Variants in GRIA1 observed in about 807,000 individuals in gnomAD.
The protein encoded by GRIA1 is glutamate receptor 1.
GRIA1 carries 31 observed loss-of-function variants against 99.2 expected under a neutral mutation model. The observed-to-expected ratio is 0.31, with a 90% CI of 0.23 to 0.42. The LOEUF is 0.42. Among genes scored for constraint, GRIA1 ranks in the 10% least tolerant of loss-of-function variants. The pLI is 1.00. For synonymous variants in GRIA1, 438 were observed against 432.4 expected (o/e 1.01, Z -0.16); for missense variants, 782 against 1,157.5 (o/e 0.68, Z 4.71).
At chr5:153,706,949 A>G (rs1758938858) in intron 11 of GRIA1, among the ~76,000 whole-genome samples, 1 of 152,104 alleles carries the variant, frequency 6.6e-6, no homozygotes, top group East Asian at 1.9e-4. Flanking sequence ...AAAAAATAAT[A>G]AAACAATAAT....
At chr5:153,507,345 A>C (rs1425075546) in intron 2 of GRIA1, among the ~76,000 whole-genome samples, 1 of 152,102 alleles carries the variant, frequency 6.6e-6, no homozygotes, top group East Asian at 1.9e-4. Context: ...TTCTGGGGCT[A>C]TGTTCTCCTC....
intron 2 of GRIA1, among the ~76,000 whole-genome samples, chr5:153,592,548 T>C (rs778820): frequency 0.65 from 99,491 of 152,156 alleles, 34,353 homozygotes; most frequent in East Asian, 0.93. Context: ...ATAATGCATG[T>C]ATAACTTACA....
intron 11 of GRIA1, among the ~76,000 whole-genome samples, chr5:153,763,895 A>C (rs1763347174): frequency 6.6e-6 from 1 of 152,186 alleles, no homozygotes; most frequent in South Asian, 2.1e-4. Flanking sequence ...TTGGACTATG[A>C]CTATTCTGAT....
chr5:153,581,980 A>G (rs1406822955), intron 2 of GRIA1, among the ~76,000 whole-genome samples: 1 of 151,802 alleles, frequency 6.6e-6, no homozygotes, highest in Non-Finnish European at 1.5e-5. Flanking sequence ...CTGGTCTCAA[A>G]CTCCTGGTCT....
At chr5:153,753,379 T>C (rs1052126865) in intron 11 of GRIA1, among the ~76,000 whole-genome samples, 3 of 152,202 alleles carry the variant, frequency 2.0e-5, no homozygotes, top group Non-Finnish European at 4.4e-5. Context: ...TCAGTGCTGC[T>C]GAGATCCAAC....
rs139620360 is a variant in GRIA1 at position 153,764,594 on chromosome 5, G to A, written c.1984G>A (p.Gly662Arg). ...AGCGAAGCAGACAGAAATTGCCTACGGGACGCTGGAAGCAGGATCTACTAA... is the reference window on the plus strand; with the variant it reads ...AGCGAAGCAGACAGAAATTGCCTACAGGACGCTGGAAGCAGGATCTACTAA... Reference protein sequence around the residue: ...DLAKQTEIAYGTLEAGSTKEF... With the variant: ...DLAKQTEIAYRTLEAGSTKEF... Residue 662 changes from glycine to arginine, a missense_variant, in exon 12 of 16, where the codon GGG becomes AGG. Around this residue, in one of 5 missense-constraint regions of GRIA1, gnomAD observed 119 missense variants for 326.6 expected, o/e 0.36. Coordinates refer to ENST00000285900, the MANE Select transcript of GRIA1 (RefSeq NM_000827.4). The A allele has an allele frequency of 2.5e-6, 4 of 1,613,948 alleles. No individual in the cohort carries two copies. The highest frequency in any genetic ancestry group is 2.5e-6 in the Non-Finnish European group (3 of 1,179,878).
chr5:153,688,953 C>T (rs1016433293), intron 8 of GRIA1, among the ~76,000 whole-genome samples: 2 of 152,126 alleles, frequency 1.3e-5, no homozygotes, highest in Admixed American at 6.6e-5. Flanking sequence ...AACTCCTGAC[C>T]GTGTGATCCA....
At chr5:153,593,188 G>A (rs1009359335) in intron 2 of GRIA1, among the ~76,000 whole-genome samples, 2 of 152,150 alleles carry the variant, frequency 1.3e-5, no homozygotes, top group African/African-American at 2.4e-5. Flanking sequence ...AATCACTTGA[G>A]CCTGGAAGGT....
intron 2 of GRIA1, among the ~76,000 whole-genome samples, chr5:153,597,476 T>G (rs898118421): frequency 6.6e-5 from 10 of 152,214 alleles, no homozygotes; most frequent in Non-Finnish European, 1.5e-4. Context: ...CACATCTATG[T>G]GGCCTCAGAC....
chr5:153,528,569 C>G (rs1757818402), intron 2 of GRIA1, among the ~76,000 whole-genome samples: 1 of 152,170 alleles, frequency 6.6e-6, no homozygotes, highest in Non-Finnish European at 1.5e-5. Context: ...GCATTTCTAC[C>G]AAGTTCCAGG....
At chr5:153,640,656 C>T (rs937253004) in intron 2 of GRIA1, among the ~76,000 whole-genome samples, 1 of 152,198 alleles carries the variant, frequency 6.6e-6, no homozygotes, top group African/African-American at 2.4e-5. Context: ...TATCCTGTGG[C>T]TGATCCCTTT....
chr5:153,657,957 C>G lies in GRIA1; in HGVS notation c.699+2085C>G, dbSNP rs150979921. The stretch of plus-strand genomic sequence containing the variant: ...TTTTGACTTCGGAGTGAGGAAAGCC[C>G]TTAACATCCCTTGACTCCCAGATCC... On this transcript the variant is annotated intron_variant, in intron 5 of 15. Transcript: ENST00000285900. Among the ~76,000 whole-genome samples, 820 of 152,214 alleles carry G rather than the reference C, an allele frequency of 5.4e-3. 9 individuals carry two copies. The highest frequency in any genetic ancestry group is 0.019 in the African/African-American group (769 of 41,550).
At chr5:153,547,163 AC>A (rs1423443719) in intron 2 of GRIA1, among the ~76,000 whole-genome samples, 1 of 150,618 alleles carries the variant, frequency 6.6e-6, no homozygotes, top group Non-Finnish European at 1.5e-5. Context: ...ACATTATGAG[AC>A]TTTTTGTGTG....
At chr5:153,752,254 C>T (rs1762554057) in intron 11 of GRIA1, among the ~76,000 whole-genome samples, 1 of 152,078 alleles carries the variant, frequency 6.6e-6, no homozygotes, top group African/African-American at 2.4e-5. Flanking sequence ...ATATCTATCT[C>T]CTGGCGTTCT....
chr5:153,688,047 C>T (rs891111877), intron 8 of GRIA1, among the ~76,000 whole-genome samples: 2 of 152,198 alleles, frequency 1.3e-5, no homozygotes, highest in African/African-American at 4.8e-5. Flanking sequence ...TTCCTTGGCT[C>T]CCATGTTACC....
At chr5:153,635,341 G>A (rs995159396) in intron 2 of GRIA1, among the ~76,000 whole-genome samples, 9 of 152,214 alleles carry the variant, frequency 5.9e-5, no homozygotes, top group African/African-American at 2.2e-4. Context: ...TGGGGATTGC[G>A]GAGATGACTG....
intron 13 of GRIA1, among the ~76,000 whole-genome samples, chr5:153,791,907 GAA>G (rs565834531): frequency 7.1e-6 from 1 of 141,464 alleles, no homozygotes; most frequent in African/African-American, 2.6e-5. Flanking sequence ...TGTTCATTTG[GAA>G]AAAAAAAAAA....
At chr5:153,729,199 A>T (rs946845943) in intron 11 of GRIA1, among the ~76,000 whole-genome samples, 1 of 150,876 alleles carries the variant, frequency 6.6e-6, no homozygotes, top group African/African-American at 2.4e-5. Flanking sequence ...ACACATGGAC[A>T]TAGGAAGGGG....
chr5:153,600,416 A>AAAAT, intron 2 of GRIA1, among the ~76,000 whole-genome samples: 1 of 82,860 alleles, frequency 1.2e-5, no homozygotes, highest in East Asian at 3.3e-4. Context: ...AAAAAAAAAA[A>AAAAT]GTATGGAGTT....
Sources: allele counts gnomAD v4.1 joint callset (sites outside exome capture counted in the v4.1 genomes callset), GRCh38; gene constraint gnomAD v4.1.1; regional missense constraint gnomAD v4.1.1; transcripts MANE v1.5; gene names NCBI Gene and HGNC (gene_info 2026-07-23, HGNC 2026-07-21).